GABRG3: variants seen among roughly 807,000 people sequenced by gnomAD.
GABRG3 encodes gamma-aminobutyric acid type A receptor subunit gamma3, also known as gamma-aminobutyric acid receptor subunit gamma-3.
A neutral mutation model predicts 48.8 loss-of-function variants in GABRG3; 25 were observed. The observed-to-expected ratio is 0.51, with a 90% CI of 0.37 to 0.72. GABRG3 has a LOEUF of 0.72. Among genes scored for constraint, GABRG3 ranks in the 30% least tolerant of loss-of-function variants. GABRG3 has a pLI of 0.00. For missense variants in GABRG3, 394 were observed against 577.9 expected, an observed-to-expected ratio of 0.68 and a Z score of 3.26; for synonymous variants, 227 against 217.6, an observed-to-expected ratio of 1.04 and a Z score of -0.38.
chr15:27,003,201 ATATT>A (rs199745733), intron 2 of GABRG3, among the ~76,000 whole-genome samples: 14,743 of 139,078 alleles, frequency 0.11, 791 homozygotes, highest in Middle Eastern at 0.24. Flanking sequence ...TTTTTATTTT[ATATT>A]TATTTATTTA....
At chr15:27,470,168 C>T (rs1007961437) in intron 5 of GABRG3, among the ~76,000 whole-genome samples, 6 of 152,052 alleles carry the variant, frequency 3.9e-5, no homozygotes, top group Non-Finnish European at 5.9e-5. Context: ...TGTTGGTGCC[C>T]AGTACCTTGC....
At chr15:27,095,041 C>A (rs1039326642) in intron 3 of GABRG3, among the ~76,000 whole-genome samples, 1 of 152,100 alleles carries the variant, frequency 6.6e-6, no homozygotes, top group Admixed American at 6.5e-5. Context: ...AACCCTAATA[C>A]ACTCTCCACC....
At chr15:27,007,945 A>G (rs1426691885) in intron 2 of GABRG3, among the ~76,000 whole-genome samples, 2 of 152,006 alleles carry the variant, frequency 1.3e-5, no homozygotes, top group African/African-American at 2.4e-5. Flanking sequence ...TTTTTTTGCA[A>G]TTGCTTTTGA....
At chr15:27,114,801 C>CTT (rs368067085) in intron 3 of GABRG3, among the ~76,000 whole-genome samples, 1 of 145,762 alleles carries the variant, frequency 6.9e-6, no homozygotes, top group Non-Finnish European at 1.5e-5. Context: ...AGTTATCATT[C>CTT]TTTTTTTTTT....
intron 5 of GABRG3, among the ~76,000 whole-genome samples, chr15:27,405,158 T>G (rs2140592270): frequency 6.6e-6 from 1 of 152,344 alleles, no homozygotes; most frequent in South Asian, 2.1e-4. Flanking sequence ...GACATTACTT[T>G]TTTCTGTATA....
At chr15:27,191,925 T>A (rs542380503) in intron 3 of GABRG3, among the ~76,000 whole-genome samples, 354 of 152,200 alleles carry the variant, frequency 2.3e-3, no homozygotes, top group African/African-American at 8.3e-3. Flanking sequence ...GGCCTGGTGG[T>A]GACAAAATCT....
At chr15:27,197,011 C>T (rs568888736) in intron 3 of GABRG3, among the ~76,000 whole-genome samples, 61 of 152,226 alleles carry the variant, frequency 4.0e-4, no homozygotes, top group African/African-American at 1.4e-3. Flanking sequence ...TAATAAAAGG[C>T]GGATGTCACA....
intron 3 of GABRG3, among the ~76,000 whole-genome samples, chr15:27,249,497 G>A (rs1024773970): frequency 1.3e-5 from 2 of 152,108 alleles, no homozygotes; most frequent in Admixed American, 6.5e-5. Flanking sequence ...GAGTACTGTC[G>A]CAGCCAGATG....
At chr15:27,098,737 T>C (rs1336771463) in intron 3 of GABRG3, among the ~76,000 whole-genome samples, 1 of 151,972 alleles carries the variant, frequency 6.6e-6, no homozygotes, top group Admixed American at 6.6e-5. Flanking sequence ...ATGTGGCAAA[T>C]TATCATATGG....
intron 3 of GABRG3, among the ~76,000 whole-genome samples, chr15:27,272,161 C>T (rs1421132663): frequency 6.6e-6 from 1 of 152,226 alleles, no homozygotes; most frequent in African/African-American, 2.4e-5. Flanking sequence ...TTCCCTCTTT[C>T]TTATACTGTA....
intron 1 of GABRG3, among the ~76,000 whole-genome samples, chr15:26,973,980 C>T (rs555931007): frequency 2.4e-4 from 37 of 152,262 alleles, no homozygotes; most frequent in African/African-American, 8.7e-4. Context: ...CTATATTATC[C>T]ACATTCTAAT....
At chr15:27,064,033 A>G (rs1288733684) in intron 3 of GABRG3, among the ~76,000 whole-genome samples, 1 of 152,188 alleles carries the variant, frequency 6.6e-6, no homozygotes, top group African/African-American at 2.4e-5. Context: ...CTGTTTTTGG[A>G]GACGCAGTAG....
intron 3 of GABRG3, among the ~76,000 whole-genome samples, chr15:27,171,507 C>T (rs1015083501): frequency 1.4e-5 from 2 of 144,350 alleles, no homozygotes; most frequent in South Asian, 2.2e-4. Flanking sequence ...GCATGTCTAA[C>T]ATATATATAT....
At chr15:27,459,566 A>T (rs1889387884) in intron 5 of GABRG3, among the ~76,000 whole-genome samples, 1 of 152,226 alleles carries the variant, frequency 6.6e-6, no homozygotes, top group African/African-American at 2.4e-5. Context: ...AACATATCTA[A>T]TTGTATACCT....
intron 3 of GABRG3, among the ~76,000 whole-genome samples, chr15:27,247,174 A>G (rs1186378369): frequency 6.6e-6 from 1 of 152,198 alleles, no homozygotes; most frequent in South Asian, 2.1e-4. Context: ...TCCTGGCCTC[A>G]AGCAGTCCTC....
At chr15:27,403,944 G>T (rs1291854936) in intron 5 of GABRG3, among the ~76,000 whole-genome samples, 3 of 143,292 alleles carry the variant, frequency 2.1e-5, no homozygotes, top group African/African-American at 7.8e-5. Flanking sequence ...AAAAAAAACC[G>T]GGCTTGGTAG....
At chr15:27,364,210 G>A (rs1287016763) in intron 5 of GABRG3, 1 of 152,194 alleles carries the variant, frequency 6.6e-6, no homozygotes, top group African/African-American at 2.4e-5. Context: ...ATTTCAAGAC[G>A]GAAGTGAAAC....
intron 3 of GABRG3, among the ~76,000 whole-genome samples, chr15:27,100,884 G>A (rs987651896): frequency 4.6e-5 from 7 of 152,192 alleles, no homozygotes; most frequent in Admixed American, 6.5e-5. Flanking sequence ...CAAACTTGAT[G>A]GTGAAAGACT....
intron 3 of GABRG3, among the ~76,000 whole-genome samples, chr15:27,299,287 AAAAAAC>A (rs922266647): frequency 1.3e-5 from 2 of 152,094 alleles, no homozygotes; most frequent in Non-Finnish European, 2.9e-5. Flanking sequence ...TCCATCTCAG[AAAAAAC>A]AAAAACAAAA....
Sources: gnomAD v4.1 joint callset for allele counts (sites outside exome capture counted in the v4.1 genomes callset) on GRCh38, gnomAD v4.1.1 for gene constraint, MANE v1.5 for transcripts, NCBI Gene and HGNC (gene_info 2026-07-23, HGNC 2026-07-21) for gene names.